MDH1B: variants seen among roughly 807,000 people sequenced by gnomAD.
The protein encoded by MDH1B is putative malate dehydrogenase 1B.
A neutral mutation model predicts 61.4 loss-of-function variants in MDH1B; 60 were observed. The observed-to-expected ratio is 0.98, with a 90% CI of 0.79 to 1.21. The LOEUF is 1.21. MDH1B is among the 50% of genes most tolerant of loss of function. The pLI is 0.00. For missense variants in MDH1B, 587 were observed against 632.1 expected, an observed-to-expected ratio of 0.93 and a Z score of 0.76; for synonymous variants, 236 against 218.7, an observed-to-expected ratio of 1.08 and a Z score of -0.70.
chr2:206,755,259 C>T lies in MDH1B; in HGVS notation c.660G>A (p.Lys220=). ...VIVVLDDSTN[K]EVFTLEDCLR... ...GGCAGTCCTCCAGAGTGAACACCTC[C>T]TTGTTGGTGCTGTCATCCAGCACCA... Residue 220 remains lysine, a synonymous_variant, in exon 5 of 12, where the codon AAG becomes AAA. Coordinates refer to ENST00000374412, the MANE Select transcript of MDH1B (RefSeq NM_001039845.3). 3 of 1,614,232 alleles carry T rather than the reference C, an allele frequency of 1.9e-6. No individual in the cohort carries two copies. Among genetic ancestry groups the T allele is most frequent in the Non-Finnish European group, 2.5e-6 (3 of 1,180,034 alleles).
chr2:206,750,378 CTTAG>C (rs796403633), intron 6 of MDH1B, among the ~76,000 whole-genome samples: 3 of 142,420 alleles, frequency 2.1e-5, no homozygotes, highest in African/African-American at 7.7e-5. Context: ...AGAGAGGCTG[CTTAG>C]CCTCTCTGTA....
intron 7 of MDH1B, among the ~76,000 whole-genome samples, chr2:206,748,027 G>T (rs1337241346): frequency 5.3e-5 from 8 of 152,314 alleles, no homozygotes; most frequent in Admixed American, 5.2e-4. Context: ...GGGAAGAGAT[G>T]CTTCAGATAG....
chr2:206,746,310 G>A lies in MDH1B; in HGVS notation c.1333C>T (p.Arg445Ter), dbSNP rs139683056. The change falls in exon 8 of 12, where the codon CGA (arginine) becomes TGA (stop). Residue 445 changes from arginine (R) to a stop codon, truncating the protein, a stop_gained. Transcript: ENST00000374412. LOFTEE classifies it high-confidence loss of function. ...DVEISEQIMT[R>*]MTSDLIQEKL... is the part of the protein sequence containing the mutation. ...ACCTGAATTAGATCACTTGTCATTC[G>A]GGTCATTATTTGTTCACTTATTTCA... The A allele has an allele frequency of 8.9e-5, 143 of 1,612,964 alleles. No individual in the cohort carries two copies. Among genetic ancestry groups the A allele is most frequent in the Non-Finnish European group, 1.2e-4 (136 of 1,179,582 alleles).
rs752209934 is a variant in MDH1B, at chr2:206,743,267, G to A, written c.1409-2163C>T. Among the ~76,000 whole-genome samples, 28 of 152,144 alleles carry A rather than the reference G, an allele frequency of 1.8e-4. 1 individual carries two copies. Among genetic ancestry groups the A allele is most frequent in the Non-Finnish European group, 4.1e-4 (28 of 68,034 alleles). ...ATGACCTTTGTCATACATCCATTGG[G>A]TATTTTTCAGGTATCATTTTATCTG... is the stretch of plus-strand genomic sequence containing the variant. On this transcript the variant is annotated intron_variant, in intron 9 of 11. Coordinates refer to ENST00000374412, the MANE Select transcript of MDH1B (RefSeq NM_001039845.3).
In MDH1B at chr2:206,755,049, C is replaced by A. The variant is rs61998221; in HGVS notation, c.870G>T (p.Ala290=). The stretch of plus-strand genomic sequence containing the variant: ...TCAGTTTTCTGGCCAGTATGGCTTT[C>A]GCTTCACCTTCCACCCCCAGCGCCA... ...IAVALGVEGE[A]KAILARKLKT... is the part of the protein sequence containing the mutation. The change falls in exon 5 of 12, where the codon GCG becomes GCT. Residue 290 remains alanine (A), a synonymous_variant. Transcript: ENST00000374412. 1.1e-5 allele frequency: 17 copies of A among 1,614,070 alleles called. No homozygotes were observed. The highest frequency in any genetic ancestry group is 6.7e-5 in the African/African-American group (5 of 75,040).
intron 5 of MDH1B, among the ~76,000 whole-genome samples, chr2:206,751,830 T>C (rs1688464303): frequency 6.6e-6 from 1 of 152,232 alleles, no homozygotes; most frequent in South Asian, 2.1e-4. Flanking sequence ...TCTAGGAATG[T>C]TGTATGAAAA....
At chr2:206,746,245 T>A in intron 8 of MDH1B, 42 bp downstream of exon 8, 1 of 1,571,860 alleles carries the variant, frequency 6.4e-7, no homozygotes, top group Non-Finnish European at 8.6e-7. Context: ...CAGTTTAAGG[T>A]CATTATCAAG....
chr2:206,755,089 T>C lies in MDH1B; in HGVS notation c.830A>G (p.His277Arg). 6.2e-7 allele frequency: 1 copy of C among 1,614,252 alleles called. No individual in the cohort carries two copies. The highest frequency in any genetic ancestry group is 1.1e-5 in the South Asian group (1 of 91,090). ...CCCCAGCGCCACAGCAATAATGTTG[T>C]GTGCAATGCGTGGGGCATATCTCAT... ...LLMRYAPRIA[H>R]NIIAVALGVE... The change falls in exon 5 of 12, where the codon CAC (histidine) becomes CGC (arginine). Residue 277 changes from histidine to arginine, a missense_variant. By Grantham distance (29) the His-to-Arg change is conservative. Coordinates refer to ENST00000374412, the MANE Select transcript of MDH1B (RefSeq NM_001039845.3).
intron 1 of MDH1B, among the ~76,000 whole-genome samples, chr2:206,764,168 T>A (rs1689281989): frequency 6.6e-6 from 1 of 151,930 alleles, no homozygotes; most frequent in South Asian, 2.1e-4. Flanking sequence ...CATGCTGGTG[T>A]ATGCCTGTAG....
At position 206,746,303 on chromosome 2, in the gene MDH1B, G is replaced by A. The variant is rs1287960546; in HGVS notation, c.1340C>T (p.Thr447Ile). 3.1e-6 allele frequency: 5 copies of A among 1,613,146 alleles called. No homozygotes were observed. The African/African-American group carries it at 6.7e-5, about 22-fold the overall frequency. The change falls in exon 8 of 12, where the codon ACA (threonine) becomes ATA (isoleucine). Residue 447 changes from threonine to isoleucine, a missense_variant. Transcript: ENST00000374412. Reference sequence around the variant, plus strand: ...TGACATTACCTGAATTAGATCACTTGTCATTCGGGTCATTATTTGTTCACT... The same window carrying A: ...TGACATTACCTGAATTAGATCACTTATCATTCGGGTCATTATTTGTTCACT... ...EISEQIMTRMTSDLIQEKLVA... is the reference protein window; with the variant it reads ...EISEQIMTRMISDLIQEKLVA...
intron 9 of MDH1B, among the ~76,000 whole-genome samples, chr2:206,743,592 G>T (rs560794894): frequency 2.0e-5 from 3 of 152,318 alleles, no homozygotes; most frequent in East Asian, 1.9e-4. Context: ...GCTCCAGGAA[G>T]TATGCAGTTC....
chr2:206,755,534 A>G, intron 4 of MDH1B, 29 bp from the exon 5 acceptor site: 1 of 1,590,430 alleles, frequency 6.3e-7, no homozygotes, highest in South Asian at 1.2e-5. Flanking sequence ...CGCATTGTGA[A>G]TAGTTATATC....
chr2:206,760,383 T>A (rs543460952), intron 2 of MDH1B, among the ~76,000 whole-genome samples: 2 of 152,314 alleles, frequency 1.3e-5, no homozygotes, highest in South Asian at 2.1e-4. Flanking sequence ...TGAAAGGCCA[T>A]CAAGAGTTCA....
At chr2:206,745,343 A>G in intron 9 of MDH1B, 2 of 564,678 alleles carry the variant, frequency 3.5e-6, no homozygotes, top group Non-Finnish European at 3.3e-6. Flanking sequence ...TAAGCCATCC[A>G]CTTTGTGGTA....
chr2:206,747,368 T>C (rs1482562611), intron 7 of MDH1B, among the ~76,000 whole-genome samples: 1 of 152,174 alleles, frequency 6.6e-6, no homozygotes, highest in African/African-American at 2.4e-5. Flanking sequence ...TCATTTACCC[T>C]CCTCCCCCAA....
At chr2:206,748,268 A>G (rs998620404) in intron 7 of MDH1B, among the ~76,000 whole-genome samples, 10 of 152,134 alleles carry the variant, frequency 6.6e-5, no homozygotes, top group African/African-American at 2.4e-4. Context: ...GGTCCCAGCT[A>G]CTCGGGAGGC....
chr2:206,752,104 C>T (rs1263702095), intron 5 of MDH1B, among the ~76,000 whole-genome samples: 1 of 152,172 alleles, frequency 6.6e-6, no homozygotes, highest in Non-Finnish European at 1.5e-5. Flanking sequence ...CCCTCATGAT[C>T]ATAAAATGGC....
At position 206,754,642 on chromosome 2, in the gene MDH1B, C is replaced by T. The variant is rs574324813; in HGVS notation, c.910+367G>A. Reference sequence around the variant, plus strand: ...GACTAAATGACGGCTCAAGATCATACGGGTGGGAAGTAGGGCAGAGCCACT... The same window carrying T: ...GACTAAATGACGGCTCAAGATCATATGGGTGGGAAGTAGGGCAGAGCCACT... On this transcript the variant is annotated intron_variant, in intron 5 of 11. Coordinates refer to ENST00000374412, the MANE Select transcript of MDH1B (RefSeq NM_001039845.3). 2.6e-4 allele frequency among the ~76,000 whole-genome samples: 40 copies of T among 152,170 alleles called. 2 individuals carry two copies. In the South Asian group the frequency reaches 4.6e-3, roughly 17 times the overall value.
At chr2:206,763,110 T>A (rs1283737311) in intron 1 of MDH1B, among the ~76,000 whole-genome samples, 1 of 152,084 alleles carries the variant, frequency 6.6e-6, no homozygotes, top group Non-Finnish European at 1.5e-5. Flanking sequence ...TCATAGACAC[T>A]CAGAAGGTCT....
Sources: allele counts gnomAD v4.1 joint callset (sites outside exome capture counted in the v4.1 genomes callset), GRCh38; gene constraint gnomAD v4.1.1; transcripts MANE v1.5; gene names NCBI Gene and HGNC (gene_info 2026-07-23, HGNC 2026-07-21).